The following CLVS1 variants were observed in gnomAD, a reference collection of about 807,000 sequenced individuals.
The protein encoded by CLVS1 is clavesin 1.
CLVS1 carries 10 observed loss-of-function variants against 33.1 expected under a neutral mutation model. That is an observed-to-expected ratio of 0.30 (90% confidence interval 0.19 to 0.51). The LOEUF is 0.51. CLVS1 is among the 20% of genes least tolerant of loss of function. The pLI, the probability that CLVS1 is intolerant of heterozygous loss-of-function variation, is 0.97. For synonymous variants in CLVS1, 163 were observed against 166.1 expected (o/e 0.98, Z 0.14); for missense variants, 343 against 433.4 (o/e 0.79, Z 1.85).
chr8:61,186,256 G>A (rs1036382940), intron 2 of CLVS1, among the ~76,000 whole-genome samples: 1 of 152,214 alleles, frequency 6.6e-6, no homozygotes, highest in Non-Finnish European at 1.5e-5. Flanking sequence ...GTCTGCAGCT[G>A]GCATTTACTT....
At chr8:61,274,729 A>T (rs528745867) in intron 2 of CLVS1, among the ~76,000 whole-genome samples, 3 of 152,330 alleles carry the variant, frequency 2.0e-5, no homozygotes, top group African/African-American at 7.2e-5. Context: ...GAGTAGCTTA[A>T]AACTGATTTA....
intron 3 of CLVS1, among the ~76,000 whole-genome samples, chr8:61,388,821 T>C (rs1814186166): frequency 1.3e-5 from 2 of 152,146 alleles, no homozygotes; most frequent in Admixed American, 6.5e-5. Context: ...TATATTATTG[T>C]TAGCTATAGT....
intron 1 of CLVS1, among the ~76,000 whole-genome samples, chr8:61,104,938 C>T (rs1038513788): frequency 6.6e-6 from 1 of 152,194 alleles, no homozygotes; most frequent in Admixed American, 6.5e-5. Context: ...AAGCAATTCT[C>T]CTGCCTCAGC....
At position 61,410,884 on chromosome 8, in the gene CLVS1, C is replaced by T. The variant is rs570786761; in HGVS notation, c.630+34105C>T. On this transcript the variant is annotated intron_variant, in intron 3 of 5. Transcript: ENST00000325897. Reference sequence around the variant, plus strand: ...CTTGAACTCCTGACCTCAAGTGATCCGCCTGCCTTAGCCTCCCAAAGTGCT... The same window carrying T: ...CTTGAACTCCTGACCTCAAGTGATCTGCCTGCCTTAGCCTCCCAAAGTGCT... Among the ~76,000 whole-genome samples the T allele has an allele frequency of 8.5e-4, 129 of 152,228 alleles. 1 individual carries two copies. The Middle Eastern group carries it at 0.02, about 24-fold the overall frequency.
chr8:61,228,610 C>T (rs1303749475), intron 2 of CLVS1, among the ~76,000 whole-genome samples: 2 of 152,108 alleles, frequency 1.3e-5, no homozygotes, highest in African/African-American at 4.8e-5. Context: ...ATGAGTTCTA[C>T]TTTTTTACAC....
intron 2 of CLVS1, among the ~76,000 whole-genome samples, chr8:61,177,536 C>G (rs1183115257): frequency 2.6e-5 from 4 of 152,072 alleles, no homozygotes; most frequent in Admixed American, 6.5e-5. Flanking sequence ...TGGGTGAGAC[C>G]CTCCAACAGG....
intron 5 of CLVS1, among the ~76,000 whole-genome samples, chr8:61,466,221 A>C (rs1208272601): frequency 2.0e-5 from 3 of 152,198 alleles, no homozygotes; most frequent in Non-Finnish European, 4.4e-5. Flanking sequence ...GCTTTAAACT[A>C]TGAGGAAAAT....
chr8:61,076,556 T>C (rs1021680493), intron 1 of CLVS1, among the ~76,000 whole-genome samples: 4 of 152,226 alleles, frequency 2.6e-5, no homozygotes, highest in African/African-American at 7.2e-5. Context: ...TCGGGTTCCA[T>C]TTCTATTATG....
chr8:60,998,731 C>T, the CLVS1 span, among the ~76,000 whole-genome samples: 1 of 152,172 alleles, frequency 6.6e-6, no homozygotes, highest in African/African-American at 2.4e-5. Context: ...GAAGAATCCA[C>T]AGCAAAGCAG....
intron 2 of CLVS1, among the ~76,000 whole-genome samples, chr8:61,219,392 TGTG>T (rs1298948762): frequency 6.6e-6 from 1 of 152,170 alleles, no homozygotes; most frequent in African/African-American, 2.4e-5. Context: ...AGTGAGAACA[TGTG>T]GTGTTTGATT....
chr8:61,183,719 T>C (rs950168876), intron 2 of CLVS1, among the ~76,000 whole-genome samples: 16 of 152,286 alleles, frequency 1.1e-4, no homozygotes, highest in African/African-American at 3.6e-4. Flanking sequence ...TTGCAACTCC[T>C]ATTTCTCACT....
rs185833085 is a variant in CLVS1 at position 61,395,964 on chromosome 8, T to A, written c.630+19185T>A. Among the ~76,000 whole-genome samples, 34 of 152,302 alleles carry A rather than the reference T, an allele frequency of 2.2e-4. No individual in the cohort carries two copies. The East Asian group carries it at 6.6e-3, about 29-fold the overall frequency. On this transcript the variant is annotated intron_variant, in intron 3 of 5. Transcript: ENST00000325897. ...ATTGATTTTGAAGTAATATATATAT[T>A]TTCCCACACTTGTCAGTTATTTCTA...
chr8:61,085,931 G>T (rs1437391183), intron 1 of CLVS1, among the ~76,000 whole-genome samples: 1 of 151,424 alleles, frequency 6.6e-6, no homozygotes, highest in Non-Finnish European at 1.5e-5. Flanking sequence ...AGCTGCTCGG[G>T]AGGCTGATGC....
chr8:61,420,909 T>C (rs1815634497), intron 3 of CLVS1, among the ~76,000 whole-genome samples: 1 of 151,942 alleles, frequency 6.6e-6, no homozygotes, highest in Admixed American at 6.6e-5. Context: ...AGGCAGAGGT[T>C]GCAGTGAGCC....
intron 3 of CLVS1, among the ~76,000 whole-genome samples, chr8:61,424,015 A>G (rs1328590409): frequency 1.3e-5 from 2 of 152,200 alleles, no homozygotes; most frequent in Admixed American, 6.5e-5. Flanking sequence ...TATAACCTCT[A>G]TCTTCATCTC....
chr8:60,995,726 G>A, the CLVS1 span, among the ~76,000 whole-genome samples: 6 of 152,226 alleles, frequency 3.9e-5, no homozygotes, highest in East Asian at 3.9e-4. Flanking sequence ...TGTTTATTGC[G>A]GCATTATTCA....
At chr8:61,225,226 G>A (rs1370534205) in intron 2 of CLVS1, among the ~76,000 whole-genome samples, 2 of 152,122 alleles carry the variant, frequency 1.3e-5, no homozygotes, top group Non-Finnish European at 1.5e-5. Flanking sequence ...GCTGAGGCAG[G>A]AGAATCACTT....
intron 1 of CLVS1, among the ~76,000 whole-genome samples, chr8:61,069,761 C>T (rs192225594): frequency 6.6e-6 from 1 of 152,166 alleles, no homozygotes; most frequent in East Asian, 1.9e-4. Context: ...ATTCTTGAGG[C>T]TTTCCTTTTT....
chr8:61,245,703 T>A (rs1347737890), intron 2 of CLVS1, among the ~76,000 whole-genome samples: 2 of 151,518 alleles, frequency 1.3e-5, no homozygotes, highest in East Asian at 3.9e-4. Context: ...ATATATAAAT[T>A]ATACCTTTTG....
Sources: gnomAD v4.1 joint callset for allele counts (sites outside exome capture counted in the v4.1 genomes callset) on GRCh38, gnomAD v4.1.1 for gene constraint, MANE v1.5 for transcripts, NCBI Gene and HGNC (gene_info 2026-07-23, HGNC 2026-07-21) for gene names.